The following SOX5 variants were observed in gnomAD, a reference collection of about 807,000 sequenced individuals.
SOX5 encodes transcription factor SOX-5.
Under a neutral mutation model 92.0 loss-of-function variants are expected in SOX5, and 9 were observed. The ratio of observed to expected loss-of-function variants is 0.10; its 90% CI spans 0.06 to 0.17. The LOEUF (loss-of-function observed/expected upper bound fraction) is 0.17, where lower values mean the gene tolerates loss of function less well. SOX5 is among the 10% of genes least tolerant of loss of function. SOX5 has a pLI of 1.00. For missense variants in SOX5, 642 were observed against 944.5 expected, an observed-to-expected ratio of 0.68 and a Z score of 4.20; for synonymous variants, 344 against 336.3, an observed-to-expected ratio of 1.02 and a Z score of -0.25.
intron 4 of SOX5, among the ~76,000 whole-genome samples, chr12:23,978,368 T>C (rs1257797036): frequency 6.6e-6 from 1 of 152,216 alleles, no homozygotes; most frequent in Non-Finnish European, 1.5e-5. Context: ...TATCTTTTGA[T>C]TTATTTTTAA....
At chr12:24,269,157 T>C (rs1943381242) in intron 3 of SOX5, among the ~76,000 whole-genome samples, 2 of 152,188 alleles carry the variant, frequency 1.3e-5, no homozygotes, top group African/African-American at 4.8e-5. Context: ...TTTTACTTTA[T>C]AGATTAGGGT....
At chr12:24,546,163 A>C (rs1007479441) in intron 1 of SOX5, among the ~76,000 whole-genome samples, 3 of 152,178 alleles carry the variant, frequency 2.0e-5, no homozygotes, top group Admixed American at 6.5e-5. Context: ...TAAACTATGA[A>C]TGTCTGTGTG....
rs115171570 is a variant in SOX5 at position 23,934,655 on chromosome 12, A to G, written c.38+14909T>C. 1.4e-3 allele frequency among the ~76,000 whole-genome samples: 217 copies of G among 151,276 alleles called. 1 individual carries two copies. Among genetic ancestry groups the G allele is most frequent in the African/African-American group, 5.1e-3 (211 of 41,420 alleles). ...ATATTTATACATCCATAGGTAGTTC[A>G]ATGTTACCTACCATATTATATGGAG... On this transcript the variant is annotated intron_variant, in intron 1 of 14. Coordinates refer to ENST00000451604, the MANE Select transcript of SOX5 (RefSeq NM_006940.6).
intron 4 of SOX5, among the ~76,000 whole-genome samples, chr12:24,028,431 G>T (rs568450205): frequency 2.6e-4 from 39 of 152,066 alleles, no homozygotes; most frequent in Middle Eastern, 3.4e-3. Flanking sequence ...TAAAACAGAG[G>T]TTCCTTTAAA....
chr12:24,315,423 T>C (rs900963280), intron 2 of SOX5, among the ~76,000 whole-genome samples: 4 of 151,954 alleles, frequency 2.6e-5, no homozygotes, highest in Non-Finnish European at 4.4e-5. Flanking sequence ...AGGGAAAAAA[T>C]ACAGAAACTT....
intron 4 of SOX5, among the ~76,000 whole-genome samples, chr12:24,066,052 A>G (rs1940686665): frequency 6.6e-6 from 1 of 152,254 alleles, no homozygotes; most frequent in Non-Finnish European, 1.5e-5. Flanking sequence ...ACAGTCTAAA[A>G]AAAAAAGTAG....
At chr12:24,245,676 G>C (rs553189312) in intron 3 of SOX5, among the ~76,000 whole-genome samples, 1 of 152,194 alleles carries the variant, frequency 6.6e-6, no homozygotes, top group South Asian at 2.1e-4. Context: ...CCCATGTCTA[G>C]AATTGGTTTA....
At chr12:24,254,376 G>C (rs112849467) in intron 3 of SOX5, among the ~76,000 whole-genome samples, 4 of 147,116 alleles carry the variant, frequency 2.7e-5, no homozygotes, top group African/African-American at 1.0e-4. Flanking sequence ...CAAACCCATT[G>C]TAAGTTGTAA....
At chr12:24,364,533 TATATATATATAC>T (rs987195032) in intron 2 of SOX5, among the ~76,000 whole-genome samples, 3 of 145,264 alleles carry the variant, frequency 2.1e-5, no homozygotes, top group African/African-American at 7.5e-5. Context: ...TATATATATA[TATATATATATAC>T]ACGAATAAAT....
chr12:23,910,892 A>C (rs986500039), intron 1 of SOX5, among the ~76,000 whole-genome samples: 4 of 152,152 alleles, frequency 2.6e-5, no homozygotes, highest in Non-Finnish European at 5.9e-5. Flanking sequence ...TATTATCTAT[A>C]GTTGCTTTCA....
intron 1 of SOX5, chr12:23,920,540 A>G (rs994515405): frequency 3.9e-5 from 6 of 152,182 alleles, no homozygotes; most frequent in African/African-American, 1.4e-4. Context: ...AGGAATCACA[A>G]CTTTTGGGCA....
At chr12:23,987,776 G>T (rs1159655191) in intron 4 of SOX5, among the ~76,000 whole-genome samples, 1 of 152,184 alleles carries the variant, frequency 6.6e-6, no homozygotes, top group Non-Finnish European at 1.5e-5. Context: ...CTGGGCGACA[G>T]AGCTAGACCC....
chr12:23,843,667 T>C (rs952066504), intron 3 of SOX5, among the ~76,000 whole-genome samples: 1 of 142,314 alleles, frequency 7.0e-6, no homozygotes, highest in Non-Finnish European at 1.5e-5. Context: ...AGATTCAAGC[T>C]ATTGTCCTGC....
At chr12:24,369,268 G>C (rs919083024) in intron 1 of SOX5, among the ~76,000 whole-genome samples, 8 of 152,192 alleles carry the variant, frequency 5.3e-5, no homozygotes, top group Non-Finnish European at 1.0e-4. Flanking sequence ...TGAAGGCTTT[G>C]GCCACTGAAC....
At chr12:23,575,871 AG>A in intron 9 of SOX5, 33 bp from the exon 10 acceptor site, 1 of 1,491,200 alleles carries the variant, frequency 6.7e-7, no homozygotes, top group Non-Finnish European at 8.9e-7. Flanking sequence ...AGCTGTGATA[AG>A]GAAAGGCTGA....
intron 3 of SOX5, among the ~76,000 whole-genome samples, chr12:23,758,845 C>T (rs1456301700): frequency 6.6e-6 from 1 of 151,946 alleles, no homozygotes; most frequent in Non-Finnish European, 1.5e-5. Flanking sequence ...CTCGTGTGTG[C>T]ACTCCCTTAT....
chr12:24,312,623 CTT>C (rs1386321363), intron 2 of SOX5, among the ~76,000 whole-genome samples: 2 of 152,168 alleles, frequency 1.3e-5, no homozygotes, highest in African/African-American at 2.4e-5. Flanking sequence ...AATGAATACT[CTT>C]TATCTACAAT....
chr12:24,278,875 CTTT>C (rs11357779), intron 2 of SOX5, among the ~76,000 whole-genome samples: 49 of 141,054 alleles, frequency 3.5e-4, no homozygotes, highest in Admixed American at 7.7e-4. Context: ...ACAAACTCCA[CTTT>C]TTTTTTTTTT....
rs78136395 is a variant in SOX5 at position 24,157,832 on chromosome 12, C to T, written c.-2+55511G>A. Among the ~76,000 whole-genome samples, 738 of 152,136 alleles carry T rather than the reference C, an allele frequency of 4.9e-3. 9 individuals are homozygous for T. Among genetic ancestry groups the T allele is most frequent in the African/African-American group, 0.017 (691 of 41,526 alleles). ...AACAAGAAATAGAGTAATAACATGG[C>T]GCCGCACATGGGCTTCTGCCTCCAT... On this transcript the variant is annotated intron_variant, in intron 4 of 4. Coordinates refer to the SOX5 transcript ENST00000446891.
Sources: gnomAD v4.1 joint callset for allele counts (sites outside exome capture counted in the v4.1 genomes callset) on GRCh38, gnomAD v4.1.1 for gene constraint, MANE v1.5 for transcripts, NCBI Gene and HGNC (gene_info 2026-07-23, HGNC 2026-07-21) for gene names.